The following SLC5A3 variants were observed in gnomAD, a reference collection of about 807,000 sequenced individuals.
The protein encoded by SLC5A3 is solute carrier family 5 member 3, also known as sodium/myo-inositol cotransporter.
In SLC5A3, 10 loss-of-function variants were observed where a neutral mutation model predicts 43.2. The observed-to-expected ratio is 0.23, with a 90% CI of 0.14 to 0.39. The LOEUF (loss-of-function observed/expected upper bound fraction) is 0.39. SLC5A3 is among the 10% of genes least tolerant of loss of function. The pLI, the probability that SLC5A3 is intolerant of heterozygous loss-of-function variation, is 1.00. For synonymous variants in SLC5A3, 349 were observed against 322.0 expected, an observed-to-expected ratio of 1.08 and a Z score of -0.90; for missense variants, 608 against 893.4, an observed-to-expected ratio of 0.68 and a Z score of 4.07.
intron 1 of SLC5A3, among the ~76,000 whole-genome samples, chr21:34,092,998 C>A (rs1449641452): frequency 6.6e-6 from 1 of 152,160 alleles, no homozygotes; most frequent in African/African-American, 2.4e-5. Flanking sequence ...ATTGACACAG[C>A]AGTTTTCATT....
chr21:34,097,009 A>G lies in SLC5A3; in HGVS notation c.1811A>G (p.Asn604Ser), dbSNP rs1978994966. 1.9e-6 allele frequency: 3 copies of G among 1,614,128 alleles called. No homozygotes were observed. The highest frequency in any genetic ancestry group is 2.5e-6 in the Non-Finnish European group (3 of 1,179,992). The change falls in exon 2 of 2, where the codon AAT becomes AGT. Residue 604 changes from asparagine to serine, a missense_variant. Physicochemically the swap from Asn to Ser is conservative, Grantham distance 46 (BLOSUM62 1). Transcript: ENST00000381151. ...SIKGLQPEDV[N>S]LLVTCREEGN... ...AAGGGCCTTCAGCCTGAAGATGTTA[A>G]TCTGTTGGTAACCTGCAGAGAGGAG...
In SLC5A3 at chr21:34,103,101, C is replaced by T. The variant is rs1979320394; in HGVS notation, c.*5746C>T. On this transcript the variant is annotated 3_prime_UTR_variant, in exon 2 of 2. Transcript: ENST00000381151. ...ATCTTTTTGTTGTTATAATTGGAAACAGAAACGAGGCTTATTGCTATTGCA... is the reference window on the plus strand; with the variant it reads ...ATCTTTTTGTTGTTATAATTGGAAATAGAAACGAGGCTTATTGCTATTGCA... The T allele has an allele frequency of 1.0e-6, 1 of 999,828 alleles. No homozygotes were observed. The highest frequency in any genetic ancestry group is 6.2e-5 in the Admixed American group (1 of 16,216). The allele number at this position is 999,828 out of a possible 1,614,324, so 61.9% of individuals were successfully genotyped here. A position where few individuals can be genotyped will look rare whatever the true frequency, so the allele number is the denominator to read the frequency against.
chr21:34,096,698 T>C lies in SLC5A3; in HGVS notation c.1500T>C (p.Asp500=). ...GTGCCCCAGAATGTGACCAACCTGA[T>C]AATAGGCCGGGCTTCATCAAAGACA... ...AYRAPECDQP[D]NRPGFIKDIH... is the part of the protein sequence containing the mutation. Residue 500 remains aspartate, a synonymous_variant, in exon 2 of 2, where the codon GAT becomes GAC. Coordinates refer to ENST00000381151, the MANE Select transcript of SLC5A3 (RefSeq NM_006933.7). This position sits in a 1 kb window ranked among gnomAD's most constrained non-coding sequence, Gnocchi z 5.9. 6.2e-7 allele frequency: 1 copy of C among 1,614,108 alleles called. No individual in the cohort carries two copies. The highest frequency in any genetic ancestry group is 8.5e-7 in the Non-Finnish European group (1 of 1,180,004).
intron 1 of SLC5A3, among the ~76,000 whole-genome samples, chr21:34,090,759 C>T (rs1978643682): frequency 1.3e-5 from 2 of 152,260 alleles, no homozygotes; most frequent in African/African-American, 4.8e-5. Context: ...ATTTTAAAAG[C>T]CAGACAGTTG....
chr21:34,089,487 A>T (rs1978570239), intron 1 of SLC5A3, among the ~76,000 whole-genome samples: 1 of 152,062 alleles, frequency 6.6e-6, no homozygotes, highest in East Asian at 1.9e-4. Flanking sequence ...AGATTTCTAT[A>T]AAAAAATTCA....
rs1989351719 is a variant in SLC5A3, at chr21:34,077,142, G to A, written c.-337+3397G>A. On this transcript the variant is annotated intron_variant, in intron 1 of 1. Coordinates refer to ENST00000381151, the MANE Select transcript of SLC5A3 (RefSeq NM_006933.7). ...TGAGCTCTCTTGTGAGTGGGAAAAT[G>A]GTTGAAGCCCTTTGGTTTCACTTGA... Among the ~76,000 whole-genome samples the A allele has an allele frequency of 2.6e-5, 4 of 152,326 alleles. No homozygotes were observed. In the South Asian group the frequency reaches 8.3e-4, roughly 32 times the overall value.
chr21:34,084,230 C>T (rs1283166965), intron 1 of SLC5A3, among the ~76,000 whole-genome samples: 1 of 152,004 alleles, frequency 6.6e-6, no homozygotes, highest in Non-Finnish European at 1.5e-5. Context: ...ATTTCTGAAT[C>T]TTCTATTTAT....
Position 34,098,018 on chromosome 21 carries a change from G to A in SLC5A3, c.*663G>A, listed in dbSNP as rs1979053716. ...TTTTTTTTTTTCTTTCTACTTTCAA[G>A]TTTAAGTGAACCATACTGAAATGAC... On this transcript the variant is annotated 3_prime_UTR_variant, in exon 2 of 2. Transcript: ENST00000381151. The A allele has an allele frequency of 1.0e-6, 1 of 997,682 alleles. No homozygotes were observed. The highest frequency in any genetic ancestry group is 1.2e-6 in the Non-Finnish European group (1 of 828,942). 61.8% of individuals were successfully genotyped at this position (997,682 alleles called of 1,614,324 possible). A position where few individuals can be genotyped will look rare whatever the true frequency, so the allele number is the denominator to read the frequency against.
chr21:34,104,081 AT>A lies in SLC5A3; in HGVS notation c.*6734del. Reference sequence around the variant, plus strand: ...ACAGGGCAAATACTACTTGTCTTTGATTTTTTTTGTGTACGTTTGTATGTGA... The same window carrying A: ...ACAGGGCAAATACTACTTGTCTTTGATTTTTTTGTGTACGTTTGTATGTGA... On this transcript the variant is annotated 3_prime_UTR_variant, in exon 2 of 2. Transcript: ENST00000381151. 1.0e-6 allele frequency: 1 copy of A among 999,698 alleles called. No homozygotes were observed. Among genetic ancestry groups the A allele is most frequent in the Non-Finnish European group, 1.2e-6 (1 of 829,820 alleles). The allele number at this position is 999,698 out of a possible 1,614,324, so 61.9% of individuals were successfully genotyped here.
rs73899960 is a variant in SLC5A3 at position 34,091,765 on chromosome 21, A to C, written c.-336-3098A>C. On this transcript the variant is annotated intron_variant, in intron 1 of 1. Coordinates refer to ENST00000381151, the MANE Select transcript of SLC5A3 (RefSeq NM_006933.7). The stretch of plus-strand genomic sequence containing the variant: ...AGGGGAATCTGCTCTGTTTCAAAGC[A>C]CCTTTGTGTTCAAGGTTTGGCTAAA... Among the ~76,000 whole-genome samples, 677 of 152,250 alleles carry C rather than the reference A, an allele frequency of 4.4e-3. 6 individuals carry two copies. The highest frequency in any genetic ancestry group is 0.015 in the African/African-American group (630 of 41,534).
chr21:34,106,231 G>GT lies in SLC5A3; in HGVS notation c.*8877dup. 2 of 934,086 alleles carry GT rather than the reference G, an allele frequency of 2.1e-6. No homozygotes were observed. Among genetic ancestry groups the GT allele is most frequent in the South Asian group, 1.0e-4 (2 of 19,876 alleles). 57.9% of individuals were successfully genotyped at this position (934,086 alleles called of 1,614,324 possible). A position where few individuals can be genotyped will look rare whatever the true frequency, so the allele number is the denominator to read the frequency against. On this transcript the variant is annotated 3_prime_UTR_variant, in exon 2 of 2. Coordinates refer to ENST00000381151, the MANE Select transcript of SLC5A3 (RefSeq NM_006933.7). Reference sequence around the variant, plus strand: ...ATTTTATGGAAATGTTAGCAATTCTGTACCAACTTTGAATAAAATGAAAAA... The same window carrying GT: ...ATTTTATGGAAATGTTAGCAATTCTGTTACCAACTTTGAATAAAATGAAAAA...
In SLC5A3 at chr21:34,096,008, A is replaced by T. The variant is rs1978949756; in HGVS notation, c.810A>T (p.Pro270=). 6.2e-7 allele frequency: 1 copy of T among 1,614,048 alleles called. No homozygotes were observed. Among genetic ancestry groups the T allele is most frequent in the African/African-American group, 1.3e-5 (1 of 74,932 alleles). Reference sequence around the variant, plus strand: ...CTGGATTCATTCTTGGGCAGACCCCAGCTTCAGTATGGTACTGGTGTGCTG... The same window carrying T: ...CTGGATTCATTCTTGGGCAGACCCCTGCTTCAGTATGGTACTGGTGTGCTG... ...PWPGFILGQT[P]ASVWYWCADQ... Residue 270 remains proline, a synonymous_variant, in exon 2 of 2, where the codon CCA becomes CCT. Coordinates refer to ENST00000381151, the MANE Select transcript of SLC5A3 (RefSeq NM_006933.7). This position sits in a 1 kb window ranked among gnomAD's most constrained non-coding sequence, Gnocchi z 5.9.
Position 34,095,204 on chromosome 21 carries a change from A to G in SLC5A3, c.6A>G (p.Arg2=), listed in dbSNP as rs756204417. Residue 2 remains arginine (R), a synonymous_variant, in exon 2 of 2, where the codon AGA becomes AGG. Transcript: ENST00000381151. M[R]AVLDTADIAI... is the part of the protein sequence containing the mutation. ...ATTATTCACAAGTTACCAGAATGAGAGCTGTACTGGACACAGCAGACATTG... is the reference window on the plus strand; with the variant it reads ...ATTATTCACAAGTTACCAGAATGAGGGCTGTACTGGACACAGCAGACATTG... 1.3e-6 allele frequency: 2 copies of G among 1,597,986 alleles called. No individual in the cohort carries two copies. The highest frequency in any genetic ancestry group is 8.5e-7 in the Non-Finnish European group (1 of 1,172,008).
Position 34,099,238 on chromosome 21 carries a change from A to G in SLC5A3, c.*1883A>G. ...TTGAGGTTTATAATTTGGGGGCCAA[A>G]TAGATAGAGCTCATCATTTTCTTGT... On this transcript the variant is annotated 3_prime_UTR_variant, in exon 2 of 2. Coordinates refer to ENST00000381151, the MANE Select transcript of SLC5A3 (RefSeq NM_006933.7). 2.0e-6 allele frequency: 2 copies of G among 1,000,168 alleles called. No homozygotes were observed. Among genetic ancestry groups the G allele is most frequent in the Non-Finnish European group, 2.4e-6 (2 of 829,948 alleles). The allele number at this position is 1,000,168 out of a possible 1,614,324, so 62.0% of individuals were successfully genotyped here.
chr21:34,076,272 C>T (rs1989328277), intron 1 of SLC5A3, among the ~76,000 whole-genome samples: 1 of 152,152 alleles, frequency 6.6e-6, no homozygotes, highest in Non-Finnish European at 1.5e-5. Context: ...TCCTCCCTGT[C>T]CTCATTACTT....
Position 34,073,756 on chromosome 21 carries a change from T to G in SLC5A3, c.-337+11T>G. ...AAAGCCATGCAGCGGGTAAGTGACCTTCCCTCAGAGCCGGTCTTCCCGCGC... is the reference window on the plus strand; with the variant it reads ...AAAGCCATGCAGCGGGTAAGTGACCGTCCCTCAGAGCCGGTCTTCCCGCGC... On this transcript the variant is annotated intron_variant, in intron 1 of 1. Transcript: ENST00000381151. 2.7e-6 allele frequency: 4 copies of G among 1,506,616 alleles called. No individual in the cohort carries two copies. Among genetic ancestry groups the G allele is most frequent in the Non-Finnish European group, 3.6e-6 (4 of 1,120,778 alleles). 93.3% of individuals were successfully genotyped at this position (1,506,616 alleles called of 1,614,324 possible). A position where few individuals can be genotyped will look rare whatever the true frequency, so the allele number is the denominator to read the frequency against.
chr21:34,102,266 A>C lies in SLC5A3; in HGVS notation c.*4911A>C, dbSNP rs745697248. On this transcript the variant is annotated 3_prime_UTR_variant, in exon 2 of 2. Coordinates refer to ENST00000381151, the MANE Select transcript of SLC5A3 (RefSeq NM_006933.7). ...GTGAGTCCCACACCATTATTCACTT[A>C]GTAGTCATATAAATGTTTTTATTTA... 375 of 999,726 alleles carry C rather than the reference A, an allele frequency of 3.8e-4. No homozygotes were observed. Among genetic ancestry groups the C allele is most frequent in the Non-Finnish European group, 4.4e-4 (365 of 829,734 alleles). 61.9% of individuals were successfully genotyped at this position (999,726 alleles called of 1,614,324 possible). A position where few individuals can be genotyped will look rare whatever the true frequency, so the allele number is the denominator to read the frequency against.
At position 34,094,985 on chromosome 21, in the gene SLC5A3, A is replaced by G. The variant is rs986604004; in HGVS notation, c.-214A>G. Reference sequence around the variant, plus strand: ...AGTACGAGCTAAGTTCTCAATCCCAATTAAGAAGCGGAAAATTTAAACTGT... The same window carrying G: ...AGTACGAGCTAAGTTCTCAATCCCAGTTAAGAAGCGGAAAATTTAAACTGT... On this transcript the variant is annotated 5_prime_UTR_variant, in exon 2 of 2. Transcript: ENST00000381151. The G allele has an allele frequency of 5.3e-6, 3 of 565,940 alleles. No homozygotes were observed. The highest frequency in any genetic ancestry group is 9.0e-6 in the Non-Finnish European group (3 of 333,502). 35.1% of individuals were successfully genotyped at this position (565,940 alleles called of 1,614,324 possible).
chr21:34,081,436 C>T (rs540674026), intron 1 of SLC5A3, among the ~76,000 whole-genome samples: 6 of 152,244 alleles, frequency 3.9e-5, no homozygotes, highest in African/African-American at 1.4e-4. Flanking sequence ...GGTATGAAGG[C>T]TTCTGCTTTA....
Sources: allele counts gnomAD v4.1 joint callset (sites outside exome capture counted in the v4.1 genomes callset), GRCh38; gene constraint gnomAD v4.1.1; non-coding constraint Gnocchi (gnomAD v3.1); transcripts MANE v1.5; gene names NCBI Gene and HGNC (gene_info 2026-07-23, HGNC 2026-07-21).